NCALD: variants seen among roughly 807,000 people sequenced by gnomAD.
NCALD encodes the protein neurocalcin-delta.
In NCALD, 10 loss-of-function variants were observed where a neutral mutation model predicts 18.6. The observed-to-expected ratio is 0.54, with a 90% confidence interval of 0.33 to 0.91. NCALD has a LOEUF of 0.91. Ranked by LOEUF, NCALD falls within the 40% of genes least tolerant of loss-of-function variation. NCALD has a pLI of 0.03. For missense variants in NCALD, 184 were observed against 247.6 expected, an observed-to-expected ratio of 0.74 and a Z score of 1.72; for synonymous variants, 88 against 87.4, an observed-to-expected ratio of 1.01 and a Z score of -0.04.
chr8:101,697,013 GT>G (rs1003895794), intron 2 of NCALD, among the ~76,000 whole-genome samples: 1 of 151,854 alleles, frequency 6.6e-6, no homozygotes, highest in Admixed American at 6.6e-5. Context: ...TCCAGGAGCT[GT>G]TTTTTTGAAA....
At chr8:101,910,356 G>T (rs1429513675) in intron 3 of NCALD, among the ~76,000 whole-genome samples, 2 of 138,710 alleles carry the variant, frequency 1.4e-5, no homozygotes, top group Non-Finnish European at 3.1e-5. Flanking sequence ...GGTGGCAGGT[G>T]GGCATTGAGT....
At chr8:101,742,664 A>ATT (rs60495170) in intron 1 of NCALD, among the ~76,000 whole-genome samples, 1 of 151,772 alleles carries the variant, frequency 6.6e-6, no homozygotes, top group African/African-American at 2.4e-5. Context: ...GATTACAAGG[A>ATT]TTTTTTTTTA....
intron 2 of NCALD, among the ~76,000 whole-genome samples, chr8:101,938,773 C>T (rs1288549335): frequency 6.6e-6 from 1 of 152,124 alleles, no homozygotes; most frequent in African/African-American, 2.4e-5. Context: ...TGAGGTCAGA[C>T]CCTCAACCTG....
chr8:101,962,620 T>G, intron 2 of NCALD, among the ~76,000 whole-genome samples: 1 of 152,202 alleles, frequency 6.6e-6, no homozygotes, highest in East Asian at 1.9e-4. Flanking sequence ...ATGCAAAATC[T>G]CAGACAACTC....
At chr8:101,999,962 G>A (rs773584193) in intron 2 of NCALD, among the ~76,000 whole-genome samples, 14 of 152,146 alleles carry the variant, frequency 9.2e-5, no homozygotes, top group African/African-American at 1.9e-4. Flanking sequence ...CATGAGCGAC[G>A]CAGAAGACGA....
At chr8:101,791,630 A>G (rs1812448333), upstream of NCALD, among the ~76,000 whole-genome samples, 1 of 152,210 alleles carries the variant, frequency 6.6e-6, no homozygotes, top group South Asian at 2.1e-4. Flanking sequence ...TAGACATCAG[A>G]TAACATAAAT....
chr8:102,044,999 A>G (rs1349647994), intron 1 of NCALD, among the ~76,000 whole-genome samples: 1 of 152,216 alleles, frequency 6.6e-6, no homozygotes, highest in African/African-American at 2.4e-5. Flanking sequence ...GCTCTACAAA[A>G]AAAGAATAAA....
chr8:102,071,685 G>A (rs1043028237), intron 1 of NCALD, among the ~76,000 whole-genome samples: 1 of 152,018 alleles, frequency 6.6e-6, no homozygotes, highest in Non-Finnish European at 1.5e-5. Flanking sequence ...AAAACAAATT[G>A]TATTTCTATA....
At chr8:102,108,917 G>T (rs1457171349) in intron 1 of NCALD, among the ~76,000 whole-genome samples, 1 of 152,138 alleles carries the variant, frequency 6.6e-6, no homozygotes, top group East Asian at 1.9e-4. Flanking sequence ...ATGAACTATC[G>T]GATTGGAAAG....
At chr8:101,917,346 A>G (rs904603071) in intron 2 of NCALD, among the ~76,000 whole-genome samples, 1 of 151,886 alleles carries the variant, frequency 6.6e-6, no homozygotes, top group Non-Finnish European at 1.5e-5. Flanking sequence ...GCAAAAGCAG[A>G]GCAAAGTTAT....
At chr8:101,879,821 T>C (rs903201963) in intron 4 of NCALD, among the ~76,000 whole-genome samples, 4 of 152,184 alleles carry the variant, frequency 2.6e-5, no homozygotes, top group Admixed American at 2.0e-4. Context: ...AACCTTGAGC[T>C]AGACACAGGC....
At chr8:101,990,855 C>T (rs1821018387) in intron 2 of NCALD, among the ~76,000 whole-genome samples, 1 of 152,184 alleles carries the variant, frequency 6.6e-6, no homozygotes. Flanking sequence ...CCCTGCCAAC[C>T]ACCTATCTAT....
intron 4 of NCALD, among the ~76,000 whole-genome samples, chr8:101,844,955 C>T (rs549702046): frequency 9.2e-5 from 14 of 152,320 alleles, no homozygotes; most frequent in African/African-American, 3.4e-4. Flanking sequence ...ATTGTCTGTG[C>T]TATTGCCCAC....
intron 2 of NCALD, among the ~76,000 whole-genome samples, chr8:101,991,838 C>T (rs989930571): frequency 7.9e-5 from 12 of 152,216 alleles, no homozygotes; most frequent in African/African-American, 2.4e-4. Context: ...CAGAAAACCA[C>T]TGACCACCAC....
intron 1 of NCALD, among the ~76,000 whole-genome samples, 186 bp downstream of exon 1, chr8:101,790,676 T>C (rs941335573): frequency 1.3e-5 from 2 of 152,142 alleles, no homozygotes; most frequent in Non-Finnish European, 2.9e-5. Flanking sequence ...TCACAAAACA[T>C]TAATCCAAAT....
In NCALD at chr8:101,688,512, G is replaced by A. The variant is rs1814562013; in HGVS notation, c.*797C>T. Reference sequence around the variant, plus strand: ...GATTGTATTAGTGCTCACTAAACATGCATTTCATTTAAACAAGGCAAAACA... The same window carrying A: ...GATTGTATTAGTGCTCACTAAACATACATTTCATTTAAACAAGGCAAAACA... On this transcript the variant is annotated 3_prime_UTR_variant, in exon 4 of 4. Transcript: ENST00000220931. 4 of 357,288 alleles carry A rather than the reference G, an allele frequency of 1.1e-5. No homozygotes were observed. The highest frequency in any genetic ancestry group is 2.2e-5 in the Non-Finnish European group (4 of 181,018). 22.1% of individuals were successfully genotyped at this position (357,288 alleles called of 1,614,324 possible). A position where few individuals can be genotyped will look rare whatever the true frequency, so the allele number is the denominator to read the frequency against.
At chr8:101,947,701 C>T (rs1347675722) in intron 2 of NCALD, among the ~76,000 whole-genome samples, 1 of 152,040 alleles carries the variant, frequency 6.6e-6, no homozygotes, top group Admixed American at 6.5e-5. Context: ...TTCCATTTTT[C>T]CATGAACTTT....
intron 1 of NCALD, among the ~76,000 whole-genome samples, chr8:101,746,968 A>G (rs1305591003): frequency 6.6e-6 from 1 of 152,100 alleles, no homozygotes; most frequent in Non-Finnish European, 1.5e-5. Context: ...TTCCAATCAA[A>G]TATGTGCTGA....
intron 1 of NCALD, among the ~76,000 whole-genome samples, chr8:102,099,009 G>C (rs764045480): frequency 1.3e-5 from 2 of 152,148 alleles, no homozygotes; most frequent in Non-Finnish European, 2.9e-5. Context: ...GGCCATGTTG[G>C]CTTCCCTATT....
Sources: allele counts gnomAD v4.1 joint callset (sites outside exome capture counted in the v4.1 genomes callset), GRCh38; gene constraint gnomAD v4.1.1; transcripts MANE v1.5; gene names NCBI Gene and HGNC (gene_info 2026-07-23, HGNC 2026-07-21).